The following DLG2 variants were observed in gnomAD, a reference collection of about 807,000 sequenced individuals.
The protein encoded by DLG2 is disks large homolog 2.
A neutral mutation model predicts 132.5 loss-of-function variants in DLG2; 45 were observed. The ratio of observed to expected loss-of-function variants is 0.34; its 90% CI spans 0.27 to 0.44. The LOEUF is 0.44. Ranked by LOEUF, DLG2 falls within the 20% of genes least tolerant of loss-of-function variation. The probability of loss-of-function intolerance (pLI) is 1.00; values close to 1 mark genes in which losing one functional copy is unlikely to be tolerated. For missense variants in DLG2, 1,045 were observed against 1,196.9 expected (o/e 0.87, Z 1.87); for synonymous variants, 424 against 419.6 (o/e 1.01, Z -0.13).
At chr11:83,989,869 T>A (rs2093605166) in intron 11 of DLG2, among the ~76,000 whole-genome samples, 1 of 152,268 alleles carries the variant, frequency 6.6e-6, no homozygotes, top group African/African-American at 2.4e-5. Context: ...GCCAAAATAC[T>A]GATTTCGGGG....
At chr11:84,569,825 T>C (rs898826302) in intron 6 of DLG2, among the ~76,000 whole-genome samples, 2 of 152,160 alleles carry the variant, frequency 1.3e-5, no homozygotes, top group South Asian at 2.1e-4. Flanking sequence ...GAAGACTGGG[T>C]CATTAACACT....
intron 7 of DLG2, among the ~76,000 whole-genome samples, chr11:84,466,920 A>G (rs1328255325): frequency 2.6e-5 from 4 of 151,410 alleles, no homozygotes; most frequent in Non-Finnish European, 4.4e-5. Flanking sequence ...CAAATATAAA[A>G]GCAAGAAATT....
chr11:85,570,586 T>C (rs1409892835), intron 3 of DLG2, among the ~76,000 whole-genome samples: 3 of 152,126 alleles, frequency 2.0e-5, no homozygotes, highest in Non-Finnish European at 4.4e-5. Flanking sequence ...ACTTGGGGTA[T>C]ATTGAGCTTC....
chr11:85,325,410 C>T (rs1383225715), intron 3 of DLG2, among the ~76,000 whole-genome samples: 2 of 147,416 alleles, frequency 1.4e-5, no homozygotes, highest in Non-Finnish European at 3.0e-5. Context: ...TCTCCCAGCA[C>T]ACAGCTGGAG....
chr11:83,976,533 G>C lies in DLG2; in HGVS notation c.1056+3973C>G, dbSNP rs991813582. Reference sequence around the variant, plus strand: ...AGGAGGTAGAAAGGAATGACAGAAGGAGAGCATTAATAAATATTTTTGGGT... The same window carrying C: ...AGGAGGTAGAAAGGAATGACAGAAGCAGAGCATTAATAAATATTTTTGGGT... On this transcript the variant is annotated intron_variant, in intron 12 of 27. Transcript: ENST00000376104. Among the ~76,000 whole-genome samples, 4 of 151,836 alleles carry C rather than the reference G, an allele frequency of 2.6e-5. No individual in the cohort carries two copies. In the Admixed American group the frequency reaches 2.6e-4, roughly 10 times the overall value.
intron 6 of DLG2, among the ~76,000 whole-genome samples, chr11:84,727,694 G>A (rs73513175): frequency 0.4 from 61,365 of 151,932 alleles, 12,796 homozygotes; most frequent in African/African-American, 0.52. Context: ...TGGGCAGTAT[G>A]GCCATTTTCC....
At position 84,140,031 on chromosome 11, in the gene DLG2, A is replaced by G. The variant is rs868142440; in HGVS notation, c.624+23430T>C. 3.9e-5 allele frequency among the ~76,000 whole-genome samples: 6 copies of G among 152,282 alleles called. No homozygotes were observed. In the South Asian group the frequency reaches 1.2e-3, roughly 32 times the overall value. ...GATTTCAGCTTAGTTTGGATGAGAA[A>G]TCAATGACCATATTTTGACATTTTC... is the stretch of plus-strand genomic sequence containing the variant. On this transcript the variant is annotated intron_variant, in intron 9 of 27. Transcript: ENST00000376104.
In DLG2 at chr11:83,766,187, G is replaced by A. The variant is rs184198051; in HGVS notation, c.1825+20503C>T. 1.6e-3 allele frequency among the ~76,000 whole-genome samples: 240 copies of A among 149,852 alleles called. 1 individual carries two copies. The highest frequency in any genetic ancestry group is 5.8e-3 in the African/African-American group (237 of 40,746). ...CGGCTCACTGCAACCTCTGCCTCCC[G>A]AGTTCAAGCAATTCTCCTGCCTCAG... On this transcript the variant is annotated intron_variant, in intron 18 of 27. Transcript: ENST00000376104.
At chr11:85,024,708 T>C (rs1420199650) in intron 6 of DLG2, among the ~76,000 whole-genome samples, 1 of 152,344 alleles carries the variant, frequency 6.6e-6, no homozygotes, top group Non-Finnish European at 1.5e-5. Flanking sequence ...ACCCTCTCCA[T>C]ACTGGCTTAA....
At chr11:83,484,940 T>TAGAC (rs1484359142) in intron 21 of DLG2, among the ~76,000 whole-genome samples, 3 of 152,152 alleles carry the variant, frequency 2.0e-5, no homozygotes, top group Non-Finnish European at 2.9e-5. Flanking sequence ...CCTCATTTTA[T>TAGAC]AGACAGGGAG....
intron 6 of DLG2, among the ~76,000 whole-genome samples, chr11:84,686,235 C>T (rs893320592): frequency 1.3e-5 from 2 of 152,170 alleles, no homozygotes; most frequent in African/African-American, 4.8e-5. Context: ...GTGCAGTTCT[C>T]CATAAGAGGC....
At chr11:84,512,803 A>G (rs1381433456) in intron 7 of DLG2, among the ~76,000 whole-genome samples, 3 of 152,172 alleles carry the variant, frequency 2.0e-5, no homozygotes, top group African/African-American at 7.2e-5. Context: ...AATACTACAC[A>G]GCCATAAAAA....
At chr11:83,728,596 G>T (rs2090448614) in intron 18 of DLG2, among the ~76,000 whole-genome samples, 1 of 152,154 alleles carries the variant, frequency 6.6e-6, no homozygotes, top group Non-Finnish European at 1.5e-5. Flanking sequence ...TTGGCTGAAG[G>T]TTCCACTGGT....
At chr11:83,825,169 ATATTTTTTTTTT>A (rs1206978563) in intron 17 of DLG2, among the ~76,000 whole-genome samples, 5,683 of 90,622 alleles carry the variant, frequency 0.063, 136 homozygotes, top group African/African-American at 0.12. Context: ...ATATATATAT[ATATTTTTTTTTT>A]TTTTTTTTTT....
chr11:84,894,957 G>A (rs898364169), intron 6 of DLG2, among the ~76,000 whole-genome samples: 1 of 152,160 alleles, frequency 6.6e-6, no homozygotes, highest in African/African-American at 2.4e-5. Context: ...ACGGGGCAAT[G>A]TCTGTCTCAC....
At chr11:85,428,629 T>C (rs1394433366) in intron 3 of DLG2, among the ~76,000 whole-genome samples, 1 of 152,118 alleles carries the variant, frequency 6.6e-6, no homozygotes, top group Non-Finnish European at 1.5e-5. Context: ...TTCAAAGCAG[T>C]GTGTAGAGGG....
intron 19 of DLG2, among the ~76,000 whole-genome samples, chr11:83,550,545 G>T (rs1292564664): frequency 6.6e-6 from 1 of 152,262 alleles, no homozygotes; most frequent in South Asian, 2.1e-4. Flanking sequence ...AGGCAAATCT[G>T]AACCTGCGCA....
intron 6 of DLG2, among the ~76,000 whole-genome samples, chr11:85,030,327 T>C (rs1220013839): frequency 6.6e-6 from 1 of 152,236 alleles, no homozygotes; most frequent in Non-Finnish European, 1.5e-5. Context: ...TTGACTCTTT[T>C]ATCCAGCTGA....
At chr11:83,659,398 A>G (rs1335766393) in intron 18 of DLG2, among the ~76,000 whole-genome samples, 2 of 152,222 alleles carry the variant, frequency 1.3e-5, no homozygotes, top group African/African-American at 4.8e-5. Context: ...CTGCCCATAC[A>G]TAAAGCATAC....
Sources: allele counts gnomAD v4.1 joint callset (sites outside exome capture counted in the v4.1 genomes callset), GRCh38; gene constraint gnomAD v4.1.1; transcripts MANE v1.5; gene names NCBI Gene and HGNC (gene_info 2026-07-23, HGNC 2026-07-21).